Variants in TCEANC2 observed in about 807,000 individuals in gnomAD.
TCEANC2 encodes transcription elongation factor A N-terminal and central domain-containing protein 2.
In TCEANC2, 20 loss-of-function variants were observed where a neutral mutation model predicts 22.8. That is an observed-to-expected ratio of 0.88 (90% CI 0.62 to 1.28). The LOEUF (loss-of-function observed/expected upper bound fraction) is 1.28, where lower values mean the gene tolerates loss of function less well. Among genes scored for constraint, TCEANC2 ranks in the 50% most tolerant of loss-of-function variants. The pLI is 0.00. For missense variants in TCEANC2, 251 were observed against 249.7 expected, an observed-to-expected ratio of 1.01 and a Z score of -0.03; for synonymous variants, 84 against 95.5, an observed-to-expected ratio of 0.88 and a Z score of 0.70.
chr1:54,092,730 A>G (rs1019928484), intron 4 of TCEANC2, among the ~76,000 whole-genome samples: 19 of 152,212 alleles, frequency 1.2e-4, no homozygotes, highest in African/African-American at 4.6e-4. Context: ...ACGCATGAAG[A>G]AGACCCTGTT....
intron 3 of TCEANC2, among the ~76,000 whole-genome samples, chr1:54,084,920 AC>A (rs1658311539): frequency 6.6e-6 from 1 of 152,186 alleles, no homozygotes; most frequent in Admixed American, 6.5e-5. Context: ...GGAGAACTCC[AC>A]CTAGAAAAGG....
rs770997796 is a variant in TCEANC2, at chr1:54,063,662, G to GC, written c.103-5093dup. 9.5e-4 allele frequency among the ~76,000 whole-genome samples: 144 copies of GC among 152,276 alleles called. 2 individuals are homozygous for GC. Among genetic ancestry groups the GC allele is most frequent in the Middle Eastern group, 6.8e-3 (2 of 294 alleles). ...GACTTTGAATTTTTGGATTAGGGAT[G>GC]CTCAACCAGTACGTATAATGCAAAT... On this transcript the variant is annotated intron_variant, in intron 2 of 4. Coordinates refer to ENST00000234827, the MANE Select transcript of TCEANC2 (RefSeq NM_153035.3).
chr1:54,076,716 A>G lies in TCEANC2; in HGVS notation c.244+7819A>G, dbSNP rs78767384. On this transcript the variant is annotated intron_variant, in intron 3 of 4. Coordinates refer to ENST00000234827, the MANE Select transcript of TCEANC2 (RefSeq NM_153035.3). ...TATAGAGAAAGAACAGGTAGAAATC[A>G]GGAGATCAGATAGGAGGTCATTCAG... 5.8e-3 allele frequency among the ~76,000 whole-genome samples: 881 copies of G among 152,340 alleles called. 6 individuals are homozygous for G. The highest frequency in any genetic ancestry group is 0.02 in the African/African-American group (824 of 41,574).
At chr1:54,109,322 A>C (rs1263759008), downstream of TCEANC2, among the ~76,000 whole-genome samples, 1 of 152,208 alleles carries the variant, frequency 6.6e-6, no homozygotes, top group East Asian at 1.9e-4. Flanking sequence ...GTCAAAGAAC[A>C]GGAGTAAGTG....
rs1658570013 is a variant in TCEANC2, at chr1:54,096,943, G to T, written c.*470G>T. 2 of 986,448 alleles carry T rather than the reference G, an allele frequency of 2.0e-6. No homozygotes were observed. The highest frequency in any genetic ancestry group is 2.4e-6 in the Non-Finnish European group (2 of 830,562). 61.1% of individuals were successfully genotyped at this position (986,448 alleles called of 1,614,324 possible). On this transcript the variant is annotated 3_prime_UTR_variant, in exon 5 of 5. Coordinates refer to ENST00000234827, the MANE Select transcript of TCEANC2 (RefSeq NM_153035.3). The surrounding 1 kb of genome is among the most constrained non-coding windows in gnomAD (Gnocchi z 4.9). ...CAGAACTCCCCTGTCTGTTCTCTTT[G>T]CTCTATCCCAGGGGTGAGCCTGCGA... is the stretch of plus-strand genomic sequence containing the variant.
In TCEANC2 at chr1:54,104,298, A is replaced by G. The variant is rs1658707699; in HGVS notation, c.*7825A>G. 2 of 186,524 alleles carry G rather than the reference A, an allele frequency of 1.1e-5. No homozygotes were observed. The highest frequency in any genetic ancestry group is 1.1e-4 in the Admixed American group (2 of 17,896). 11.6% of individuals were successfully genotyped at this position (186,524 alleles called of 1,614,324 possible). A position where few individuals can be genotyped will look rare whatever the true frequency, so the allele number is the denominator to read the frequency against. On this transcript the variant is annotated 3_prime_UTR_variant, in exon 5 of 5. Transcript: ENST00000234827. ...GTTTAGAGGTTTTGAGTCACAAAGG[A>G]GGAACACTTCCACTAAAAGAAACAT...
intron 2 of TCEANC2, among the ~76,000 whole-genome samples, chr1:54,059,131 G>C (rs1005488295): frequency 6.6e-6 from 1 of 150,526 alleles, no homozygotes; most frequent in Non-Finnish European, 1.5e-5. Flanking sequence ...TAAACTCCAT[G>C]AGTACAGGAC....
At chr1:54,055,691 A>G (rs1334291592) in intron 2 of TCEANC2, among the ~76,000 whole-genome samples, 2 of 152,236 alleles carry the variant, frequency 1.3e-5, no homozygotes, top group African/African-American at 2.4e-5. Context: ...GCAAGGCAGC[A>G]TTCTGAGTAC....
At chr1:54,094,694 C>T (rs1658511464) in intron 4 of TCEANC2, among the ~76,000 whole-genome samples, 1 of 152,162 alleles carries the variant, frequency 6.6e-6, no homozygotes, top group Non-Finnish European at 1.5e-5. Context: ...ATTGCTCAGC[C>T]CAAGCACAGA....
rs907311788 is a variant in TCEANC2, at chr1:54,097,962, A to G, written c.*1489A>G. On this transcript the variant is annotated 3_prime_UTR_variant, in exon 5 of 5. Coordinates refer to ENST00000234827, the MANE Select transcript of TCEANC2 (RefSeq NM_153035.3). ...AGAAAAGTGAGGCTCAGAAAGGTATAGTAACTTACTCAAGGTCACGCAGAT... is the reference window on the plus strand; with the variant it reads ...AGAAAAGTGAGGCTCAGAAAGGTATGGTAACTTACTCAAGGTCACGCAGAT... The G allele has an allele frequency of 1.3e-5, 2 of 152,278 alleles. No individual in the cohort carries two copies. Among genetic ancestry groups the G allele is most frequent in the African/African-American group, 4.8e-5 (2 of 41,476 alleles). 9.4% of individuals were successfully genotyped at this position (152,278 alleles called of 1,614,324 possible).
In TCEANC2 at chr1:54,096,061, C is replaced by T. The variant is rs1240648572; in HGVS notation, c.439-224C>T. Among the ~76,000 whole-genome samples the T allele has an allele frequency of 1.3e-5, 2 of 152,192 alleles. No homozygotes were observed. Among genetic ancestry groups the T allele is most frequent in the Non-Finnish European group, 2.9e-5 (2 of 68,030 alleles). ...GCCAGTTTCCTGTTATATTACCACC[C>T]GGCAGGGGTTGTGAATGAGGTCCCT... On this transcript the variant is annotated intron_variant, in intron 4 of 4. Coordinates refer to ENST00000234827, the MANE Select transcript of TCEANC2 (RefSeq NM_153035.3). This position sits in a 1 kb window ranked among gnomAD's most constrained non-coding sequence, Gnocchi z 4.9.
chr1:54,066,196 G>A (rs986441430), intron 2 of TCEANC2, among the ~76,000 whole-genome samples: 24 of 151,886 alleles, frequency 1.6e-4, no homozygotes, highest in African/African-American at 5.6e-4. Context: ...GCTACAGTGA[G>A]CTATGATTGT....
At chr1:54,069,697 C>T (rs1012736450) in intron 3 of TCEANC2, among the ~76,000 whole-genome samples, 2 of 151,242 alleles carry the variant, frequency 1.3e-5, no homozygotes, top group African/African-American at 4.9e-5. Flanking sequence ...TAAATAAAAA[C>T]GTGTAAATAG....
At chr1:54,068,472 T>G (rs979017535) in intron 2 of TCEANC2, among the ~76,000 whole-genome samples, 3 of 152,208 alleles carry the variant, frequency 2.0e-5, no homozygotes, top group Non-Finnish European at 2.9e-5. Context: ...GTTTTTCTCT[T>G]CTCATCCTTA....
chr1:54,080,793 T>A (rs1308498397), intron 3 of TCEANC2, among the ~76,000 whole-genome samples: 1 of 152,238 alleles, frequency 6.6e-6, no homozygotes, highest in Non-Finnish European at 1.5e-5. Context: ...AGAAATCCCC[T>A]AACCTTAAAC....
exon 5 of TCEANC2, chr1:54,112,239 A>C (rs552327119): frequency 6.6e-6 from 1 of 152,190 alleles, no homozygotes; most frequent in South Asian, 2.1e-4. Context: ...GGTGGCGTGC[A>C]CCTGTAGTCC....
chr1:54,088,594 C>T lies in TCEANC2; in HGVS notation c.245-3C>T. 3 of 1,593,852 alleles carry T rather than the reference C, an allele frequency of 1.9e-6. No individual in the cohort carries two copies. The highest frequency in any genetic ancestry group is 1.7e-6 in the Non-Finnish European group (2 of 1,173,550). ...TCCTTTGGTTTTTCTCTTCCTGTTC[C>T]AGGTCACACTGTGAACAAGATGCGT... On this transcript the variant is annotated splice_region_variant and splice_polypyrimidine_tract_variant and intron_variant, in intron 3 of 4. Transcript: ENST00000234827.
intron 2 of TCEANC2, among the ~76,000 whole-genome samples, chr1:54,055,588 G>A (rs1170155134): frequency 6.6e-6 from 1 of 152,172 alleles, no homozygotes; most frequent in Non-Finnish European, 1.5e-5. Flanking sequence ...TAGGCTTTCT[G>A]TGCTAAAACT....
downstream of TCEANC2, among the ~76,000 whole-genome samples, chr1:54,107,407 G>T (rs1570037109): frequency 6.6e-6 from 1 of 152,232 alleles, no homozygotes; most frequent in Non-Finnish European, 1.5e-5. Flanking sequence ...GGTTACGTTA[G>T]TTTTTGCCAG....
Sources: gnomAD v4.1 joint callset for allele counts (sites outside exome capture counted in the v4.1 genomes callset) on GRCh38, gnomAD v4.1.1 for gene constraint, Gnocchi (gnomAD v3.1) non-coding constraint, MANE v1.5 for transcripts, NCBI Gene and HGNC (gene_info 2026-07-23, HGNC 2026-07-21) for gene names.